The following CACNA2D1 variants were observed in gnomAD, a reference collection of about 807,000 sequenced individuals.
CACNA2D1 encodes the protein calcium voltage-gated channel auxiliary subunit alpha2delta 1.
CACNA2D1 carries 53 observed loss-of-function variants against 171.5 expected under a neutral mutation model. The observed-to-expected ratio is 0.31, with a 90% CI of 0.25 to 0.39. CACNA2D1 has a LOEUF of 0.39. CACNA2D1 is among the 10% of genes least tolerant of loss of function. The probability of loss-of-function intolerance (pLI) is 1.00; values close to 1 mark genes in which losing one functional copy is unlikely to be tolerated. For synonymous variants in CACNA2D1, 442 were observed against 443.1 expected, an observed-to-expected ratio of 1.00 and a Z score of 0.03; for missense variants, 903 against 1,299.8, an observed-to-expected ratio of 0.69 and a Z score of 4.69.
chr7:81,948,923 AATGAGGCTGTATAAAAAAC>A lies in CACNA2D1; in HGVS notation c.*1450_*1468del, dbSNP rs1792257115. On this transcript the variant is annotated 3_prime_UTR_variant, in exon 39 of 39. Coordinates refer to ENST00000356860, the MANE Select transcript of CACNA2D1 (RefSeq NM_000722.4). ...ATTTACTACACTAACCATTTTCACCAATGAGGCTGTATAAAAAACAACTTTTATTATTCACAATCAAGTA... is the reference window on the plus strand; with the variant it reads ...ATTTACTACACTAACCATTTTCACCAAACTTTTATTATTCACAATCAAGTA... 6.6e-6 allele frequency: 1 copy of A among 151,954 alleles called. No homozygotes were observed. Among genetic ancestry groups the A allele is most frequent in the Non-Finnish European group, 1.5e-5 (1 of 67,898 alleles). 9.4% of individuals were successfully genotyped at this position (151,954 alleles called of 1,614,324 possible).
chr7:82,342,053 CAAAAAAA>C (rs60799157), intron 2 of CACNA2D1, among the ~76,000 whole-genome samples: 9 of 65,492 alleles, frequency 1.4e-4, no homozygotes, highest in African/African-American at 2.2e-4. Flanking sequence ...GACTCCGTCT[CAAAAAAA>C]AAAAAAAAAA....
At position 82,097,632 on chromosome 7, in the gene CACNA2D1, C is replaced by T. The variant is rs186531846; in HGVS notation, c.527-12732G>A. Reference sequence around the variant, plus strand: ...TCAATTTTGAACATAACGTGAGGTGCTTCTGAGATATCCATTAAACCGCGT... The same window carrying T: ...TCAATTTTGAACATAACGTGAGGTGTTTCTGAGATATCCATTAAACCGCGT... On this transcript the variant is annotated intron_variant, in intron 6 of 38. Coordinates refer to ENST00000356860, the MANE Select transcript of CACNA2D1 (RefSeq NM_000722.4). Among the ~76,000 whole-genome samples, 228 of 152,172 alleles carry T rather than the reference C, an allele frequency of 1.5e-3. 3 individuals carry two copies. Among genetic ancestry groups the T allele is most frequent in the East Asian group, 0.015 (76 of 5,168 alleles).
intron 10 of CACNA2D1, among the ~76,000 whole-genome samples, chr7:82,043,774 A>AC (rs1213562434): frequency 1.3e-5 from 2 of 152,312 alleles, no homozygotes; most frequent in African/African-American, 4.8e-5. Flanking sequence ...CAGGATACAA[A>AC]CAATGAAATA....
intron 3 of CACNA2D1, among the ~76,000 whole-genome samples, chr7:82,323,848 A>C (rs937665576): frequency 6.6e-6 from 1 of 152,228 alleles, no homozygotes; most frequent in Non-Finnish European, 1.5e-5. Flanking sequence ...TAGAAGACAG[A>C]GCCTATCACT....
intron 4 of CACNA2D1, among the ~76,000 whole-genome samples, chr7:82,142,000 T>C (rs1792451946): frequency 6.6e-6 from 1 of 152,198 alleles, no homozygotes; most frequent in African/African-American, 2.4e-5. Context: ...CCTAAATGTC[T>C]TTATGCAAAT....
chr7:82,043,738 G>A (rs918665408), intron 10 of CACNA2D1, among the ~76,000 whole-genome samples: 2 of 152,042 alleles, frequency 1.3e-5, no homozygotes, highest in Admixed American at 6.6e-5. Context: ...CTGAGAAGAG[G>A]GACTCTGCTT....
intron 3 of CACNA2D1, among the ~76,000 whole-genome samples, chr7:82,271,164 A>G (rs1808576492): frequency 6.6e-6 from 1 of 152,104 alleles, no homozygotes; most frequent in South Asian, 2.1e-4. Context: ...TCAATCTTCT[A>G]ATTCCATTTG....
intron 36 of CACNA2D1, 39 bp downstream of exon 36, chr7:81,961,853 TTC>T (rs753645659): frequency 5.3e-6 from 7 of 1,330,348 alleles, no homozygotes; most frequent in Middle Eastern, 1.9e-4. Flanking sequence ...TATATACAAT[TTC>T]TTAATGAAAT....
At chr7:82,102,819 G>A (rs1291473160) in intron 6 of CACNA2D1, among the ~76,000 whole-genome samples, 2 of 152,150 alleles carry the variant, frequency 1.3e-5, no homozygotes, top group Non-Finnish European at 2.9e-5. Flanking sequence ...CTGCAGGTTA[G>A]AAAGGGTGCA....
At chr7:82,353,908 C>A (rs1820131576) in intron 1 of CACNA2D1, among the ~76,000 whole-genome samples, 1 of 151,996 alleles carries the variant, frequency 6.6e-6, no homozygotes, top group Admixed American at 6.6e-5. Context: ...GGAAATGCCA[C>A]CCCCAAATAG....
At chr7:82,145,182 A>G (rs1027975424) in intron 4 of CACNA2D1, among the ~76,000 whole-genome samples, 8 of 149,424 alleles carry the variant, frequency 5.4e-5, no homozygotes, top group Non-Finnish European at 1.0e-4. Flanking sequence ...GCTATTATGA[A>G]TGCAGACATG....
intron 1 of CACNA2D1, among the ~76,000 whole-genome samples, chr7:82,371,665 C>A (rs1822432452): frequency 6.6e-6 from 1 of 152,110 alleles, no homozygotes; most frequent in Non-Finnish European, 1.5e-5. Flanking sequence ...ACTGTAACCT[C>A]CCGGACTCAA....
intron 10 of CACNA2D1, among the ~76,000 whole-genome samples, chr7:82,060,181 A>ATATATATAATATATATATAT: frequency 4.6e-5 from 1 of 21,880 alleles, no homozygotes; most frequent in South Asian, 1.7e-3. Context: ...TATATATAAT[A>ATATATATAATATATATATAT]TATATATATT....
At chr7:82,097,360 AGAG>A (rs1812013289) in intron 6 of CACNA2D1, among the ~76,000 whole-genome samples, 1 of 152,220 alleles carries the variant, frequency 6.6e-6, no homozygotes, top group African/African-American at 2.4e-5. Flanking sequence ...AGATGTGAAT[AGAG>A]AAGAGAGAAA....
intron 3 of CACNA2D1, among the ~76,000 whole-genome samples, chr7:82,229,531 C>A (rs1474572842): frequency 6.6e-6 from 1 of 151,762 alleles, no homozygotes; most frequent in Non-Finnish European, 1.5e-5. Context: ...CAACTCAGAA[C>A]CAACCAGAAA....
chr7:82,149,097 A>G (rs935817762), intron 4 of CACNA2D1, among the ~76,000 whole-genome samples: 6 of 152,174 alleles, frequency 3.9e-5, no homozygotes, highest in African/African-American at 1.2e-4. Flanking sequence ...CTGTGTACTC[A>G]GCACAGCATA....
chr7:82,443,598 G>C lies in CACNA2D1; in HGVS notation c.-139C>G. On this transcript the variant is annotated 5_prime_UTR_variant, in exon 1 of 39. Transcript: ENST00000356860. ...GGGCTGGCTGCGCCCGGGGCCCGAG[G>C]CGCGGAGCCGCGCGGGGGACGGCAA... The C allele has an allele frequency of 7.2e-7, 1 of 1,381,200 alleles. No homozygotes were observed. Among genetic ancestry groups the C allele is most frequent in the South Asian group, 1.7e-5 (1 of 58,598 alleles). The allele number at this position is 1,381,200 out of a possible 1,614,324, so 85.6% of individuals were successfully genotyped here.
rs146132403 is a variant in CACNA2D1 at position 82,090,018 on chromosome 7, T to G, written c.527-5118A>C. Among the ~76,000 whole-genome samples, 542 of 152,310 alleles carry G rather than the reference T, an allele frequency of 3.6e-3. 3 individuals carry two copies. Among genetic ancestry groups the G allele is most frequent in the African/African-American group, 0.013 (522 of 41,568 alleles). ...GATGTCATTGACATATAAAATAGTATAAAGTATGAAATGTGATGTTTTGAT... is the reference window on the plus strand; with the variant it reads ...GATGTCATTGACATATAAAATAGTAGAAAGTATGAAATGTGATGTTTTGAT... On this transcript the variant is annotated intron_variant, in intron 6 of 38. Transcript: ENST00000356860.
chr7:82,075,183 T>C (rs578082331), intron 7 of CACNA2D1, among the ~76,000 whole-genome samples: 1 of 150,702 alleles, frequency 6.6e-6, no homozygotes, highest in Non-Finnish European at 1.5e-5. Flanking sequence ...CATACACAGA[T>C]ACATGGTATT....
Sources: gnomAD v4.1 joint callset for allele counts (sites outside exome capture counted in the v4.1 genomes callset) on GRCh38, gnomAD v4.1.1 for gene constraint, MANE v1.5 for transcripts, NCBI Gene and HGNC (gene_info 2026-07-23, HGNC 2026-07-21) for gene names.